The following NEDD9 variants were observed in gnomAD, a reference collection of about 807,000 sequenced individuals.
The protein encoded by NEDD9 is enhancer of filamentation 1.
In NEDD9, 26 loss-of-function variants were observed where a neutral mutation model predicts 76.6. The ratio of observed to expected loss-of-function variants is 0.34; its 90% CI spans 0.25 to 0.47. The LOEUF (loss-of-function observed/expected upper bound fraction) is 0.47, where lower values mean the gene tolerates loss of function less well. Ranked by LOEUF, NEDD9 falls within the 20% of genes least tolerant of loss-of-function variation. The pLI, the probability that NEDD9 is intolerant of heterozygous loss-of-function variation, is 1.00. For synonymous variants in NEDD9, 392 were observed against 414.2 expected (o/e 0.95, Z 0.65); for missense variants, 937 against 1,058.5 (o/e 0.89, Z 1.59).
chr6:11,322,684 G>A (rs1761835693), intron 2 of NEDD9, among the ~76,000 whole-genome samples: 1 of 152,178 alleles, frequency 6.6e-6, no homozygotes, highest in African/African-American at 2.4e-5. Context: ...GGAGTTCAGT[G>A]TTACTCAAGG....
chr6:11,200,742 T>C (rs573868067), intron 2 of NEDD9: 1 of 1,371,894 alleles, frequency 7.3e-7, no homozygotes, highest in Non-Finnish European at 9.4e-7. Context: ...GAGACAGTGG[T>C]CCTTGATGAT....
At chr6:11,200,840 C>G in intron 2 of NEDD9, 1 of 1,531,050 alleles carries the variant, frequency 6.5e-7, no homozygotes, top group Non-Finnish European at 8.8e-7. Context: ...GCTCAAGACA[C>G]GCCAATGGGA....
intron 1 of NEDD9, among the ~76,000 whole-genome samples, chr6:11,380,788 C>T (rs1300708850): frequency 6.6e-6 from 1 of 152,014 alleles, no homozygotes; most frequent in Non-Finnish European, 1.5e-5. Context: ...TTTATATCTT[C>T]CTAGTCATCG....
At chr6:11,302,939 C>T (rs188167152) in intron 3 of NEDD9, among the ~76,000 whole-genome samples, 4 of 152,274 alleles carry the variant, frequency 2.6e-5, no homozygotes, top group Admixed American at 2.6e-4. Flanking sequence ...GGAAGCATTC[C>T]CTTTGAAAAC....
chr6:11,339,244 T>G (rs896470364), intron 1 of NEDD9, among the ~76,000 whole-genome samples: 1 of 152,238 alleles, frequency 6.6e-6, no homozygotes, highest in Admixed American at 6.5e-5. Context: ...AGATAACTAT[T>G]AAAATACCAA....
chr6:11,206,438 G>A (rs975236851), intron 2 of NEDD9, among the ~76,000 whole-genome samples: 14 of 152,124 alleles, frequency 9.2e-5, no homozygotes, highest in Non-Finnish European at 1.3e-4. Flanking sequence ...AAAAAAAGAT[G>A]TGTTCAACGA....
In NEDD9 at chr6:11,305,120, C is replaced by G. The variant is rs1363296230; in HGVS notation, c.12+872G>C. 2.0e-5 allele frequency: 26 copies of G among 1,289,098 alleles called. 1 individual carries two copies. The highest frequency in any genetic ancestry group is 9.9e-5 in the South Asian group (8 of 80,968). The allele number at this position is 1,289,098 out of a possible 1,614,324, so 79.9% of individuals were successfully genotyped here. Reference sequence around the variant, plus strand: ...GGCTGTTCTTGGCTTGATACGGTGCCCAGAGCTTTTTTATTTGTGTGCAGT... The same window carrying G: ...GGCTGTTCTTGGCTTGATACGGTGCGCAGAGCTTTTTTATTTGTGTGCAGT... On this transcript the variant is annotated intron_variant, in intron 3 of 3. Coordinates refer to the NEDD9 transcript ENST00000397378.
At chr6:11,281,096 C>T (rs149929498) in intron 3 of NEDD9, among the ~76,000 whole-genome samples, 1 of 152,320 alleles carries the variant, frequency 6.6e-6, no homozygotes, top group Non-Finnish European at 1.5e-5. Flanking sequence ...TCATAACTTC[C>T]TATATTTGTA....
intron 1 of NEDD9, among the ~76,000 whole-genome samples, chr6:11,219,550 C>T (rs147946358): frequency 4.3e-4 from 66 of 152,318 alleles, no homozygotes; most frequent in African/African-American, 1.3e-3. Flanking sequence ...TGCCTGCATG[C>T]GCAAATGCAT....
intron 2 of NEDD9, among the ~76,000 whole-genome samples, chr6:11,206,244 C>T (rs1047751085): frequency 6.6e-6 from 1 of 151,952 alleles, no homozygotes; most frequent in South Asian, 2.1e-4. Context: ...TATGATGAAA[C>T]CCCGTCTCTA....
At chr6:11,284,436 G>A (rs564412859) in intron 3 of NEDD9, among the ~76,000 whole-genome samples, 45 of 151,022 alleles carry the variant, frequency 3.0e-4, no homozygotes, top group African/African-American at 1.1e-3. Context: ...CATGGTGGTG[G>A]GCGCCTGTAG....
intron 3 of NEDD9, among the ~76,000 whole-genome samples, chr6:11,277,626 C>T (rs1016380332): frequency 3.3e-5 from 5 of 152,194 alleles, no homozygotes; most frequent in African/African-American, 9.7e-5. Flanking sequence ...CTGAGATTCT[C>T]AAGGAGGCTA....
At chr6:11,217,985 T>C (rs1415494522) in intron 1 of NEDD9, among the ~76,000 whole-genome samples, 1 of 152,238 alleles carries the variant, frequency 6.6e-6, no homozygotes, top group Non-Finnish European at 1.5e-5. Flanking sequence ...TAAATCTTTT[T>C]CCCATCCCTA....
chr6:11,257,657 T>C (rs555559386), intron 3 of NEDD9, among the ~76,000 whole-genome samples: 2 of 152,260 alleles, frequency 1.3e-5, no homozygotes, highest in Admixed American at 6.5e-5. Flanking sequence ...ATTTGCAAAG[T>C]TGAATTCCAA....
chr6:11,348,438 T>C (rs1762404113), intron 1 of NEDD9, among the ~76,000 whole-genome samples: 1 of 152,166 alleles, frequency 6.6e-6, no homozygotes, highest in Admixed American at 6.5e-5. Context: ...TATTTAAAAA[T>C]TAGTATGGAA....
chr6:11,274,104 C>G (rs929820623), intron 3 of NEDD9, among the ~76,000 whole-genome samples: 4 of 152,134 alleles, frequency 2.6e-5, no homozygotes, highest in Non-Finnish European at 5.9e-5. Context: ...ATGTCAAGCC[C>G]AAGAACCAGA....
At chr6:11,364,362 A>C (rs1762726460) in intron 1 of NEDD9, among the ~76,000 whole-genome samples, 1 of 152,134 alleles carries the variant, frequency 6.6e-6, no homozygotes, top group Non-Finnish European at 1.5e-5. Flanking sequence ...CTTTGAGGTA[A>C]TAGAACTTAG....
intron 3 of NEDD9, among the ~76,000 whole-genome samples, chr6:11,286,943 T>C (rs915833167): frequency 6.6e-6 from 1 of 152,218 alleles, no homozygotes; most frequent in African/African-American, 2.4e-5. Context: ...GTCAATGTTA[T>C]CAAAATTTAC....
rs376139978 is a variant in NEDD9, at chr6:11,191,205, C to T, written c.664G>A (p.Val222Ile). 38 of 1,578,946 alleles carry T rather than the reference C, an allele frequency of 2.4e-5. No homozygotes were observed. Among genetic ancestry groups the T allele is most frequent in the Middle Eastern group, 3.4e-4 (2 of 5,890 alleles). ...CAAGCAGAGGGCGGAATGGCATATA[C>T]CTGCAAAGCAAGTAGAAAGCGAAAT... ...GVYDIPPTKG[V>I]YAIPPSACRD... Residue 222 changes from valine (V) to isoleucine (I), a missense_variant and splice_region_variant, in exon 5 of 7, where the codon GTA (valine) becomes ATA (isoleucine). Val to Ile is a conservative substitution (Grantham distance 29). Coordinates refer to ENST00000379446, the MANE Select transcript of NEDD9 (RefSeq NM_006403.4).
Sources: allele counts gnomAD v4.1 joint callset (sites outside exome capture counted in the v4.1 genomes callset), GRCh38; gene constraint gnomAD v4.1.1; transcripts MANE v1.5; gene names NCBI Gene and HGNC (gene_info 2026-07-23, HGNC 2026-07-21).